The following ATP10A variants were observed in gnomAD, a reference collection of about 807,000 sequenced individuals.
ATP10A encodes the protein phospholipid-transporting ATPase VA.
A neutral mutation model predicts 147.8 loss-of-function variants in ATP10A; 111 were observed. The observed-to-expected ratio is 0.75, with a 90% CI of 0.64 to 0.88. The LOEUF (loss-of-function observed/expected upper bound fraction) is 0.88. ATP10A is among the 40% of genes least tolerant of loss of function. The pLI is 0.00. For synonymous variants in ATP10A, 875 were observed against 841.6 expected, an observed-to-expected ratio of 1.04 and a Z score of -0.69; for missense variants, 1,927 against 1,959.0, an observed-to-expected ratio of 0.98 and a Z score of 0.31.
chr15:25,685,474 G>C (rs886285297), intron 16 of ATP10A, among the ~76,000 whole-genome samples: 1 of 152,116 alleles, frequency 6.6e-6, no homozygotes, highest in Admixed American at 6.5e-5. Context: ...TTCGATCTGA[G>C]ACATTTTAAC....
chr15:25,843,766 A>T (rs1196033342), intron 1 of ATP10A, among the ~76,000 whole-genome samples: 1 of 152,164 alleles, frequency 6.6e-6, no homozygotes, highest in African/African-American at 2.4e-5. Context: ...GCTATCTGGG[A>T]AAATCATGCC....
intron 1 of ATP10A, among the ~76,000 whole-genome samples, chr15:25,797,577 C>T (rs1009922511): frequency 2.0e-5 from 3 of 152,204 alleles, no homozygotes; most frequent in South Asian, 2.1e-4. Flanking sequence ...AGACATGACA[C>T]GCTCTGGGCT....
intron 1 of ATP10A, among the ~76,000 whole-genome samples, chr15:25,800,091 C>T (rs1371852323): frequency 6.6e-6 from 1 of 152,190 alleles, no homozygotes; most frequent in Admixed American, 6.5e-5. Context: ...GAGGAGCTCA[C>T]ATCAAGTGCA....
chr15:25,815,831 C>T (rs972304233), intron 1 of ATP10A, among the ~76,000 whole-genome samples: 5 of 152,078 alleles, frequency 3.3e-5, no homozygotes, highest in African/African-American at 1.2e-4. Context: ...CTTAGAATAA[C>T]ACATTTTTGC....
At chr15:25,864,134 C>T (rs925191869), upstream of ATP10A, among the ~76,000 whole-genome samples, 2 of 151,528 alleles carry the variant, frequency 1.3e-5, no homozygotes, top group Admixed American at 6.6e-5. Context: ...TGTGGGGAGG[C>T]GAGGATGGTT....
chr15:25,811,783 C>G (rs1891444102), intron 1 of ATP10A, among the ~76,000 whole-genome samples: 1 of 152,196 alleles, frequency 6.6e-6, no homozygotes, highest in Non-Finnish European at 1.5e-5. Context: ...CCCAGCCTGA[C>G]CTCGTAGCAC....
chr15:25,780,284 T>C (rs2044310), intron 2 of ATP10A, among the ~76,000 whole-genome samples: 90,287 of 152,186 alleles, frequency 0.59, 26,945 homozygotes, highest in Admixed American at 0.67. Flanking sequence ...CGACTCAGAC[T>C]TGCTGTCTAG....
At chr15:25,801,959 T>G (rs575489472) in intron 1 of ATP10A, among the ~76,000 whole-genome samples, 2 of 152,090 alleles carry the variant, frequency 1.3e-5, no homozygotes, top group African/African-American at 2.4e-5. Flanking sequence ...GAGCCGAGGA[T>G]CTCATCAACT....
At chr15:25,697,555 G>A (rs1309537883) in intron 13 of ATP10A, among the ~76,000 whole-genome samples, 1 of 152,186 alleles carries the variant, frequency 6.6e-6, no homozygotes, top group Non-Finnish European at 1.5e-5. Flanking sequence ...GAACATGCTG[G>A]AAATGAACAG....
chr15:25,696,499 G>T (rs1478790228), intron 13 of ATP10A, among the ~76,000 whole-genome samples: 4 of 152,218 alleles, frequency 2.6e-5, no homozygotes, highest in Admixed American at 2.6e-4. Context: ...CCTTCATCCC[G>T]TTGCTCCCAC....
intron 15 of ATP10A, chr15:25,688,038 C>A: frequency 1.6e-6 from 1 of 616,764 alleles, no homozygotes; most frequent in African/African-American, 1.8e-5. Flanking sequence ...CACGCTAGTT[C>A]AGGGATGTCA....
chr15:25,683,446 C>T lies in ATP10A; in HGVS notation c.3332G>A (p.Gly1111Asp), dbSNP rs766182646. The T allele has an allele frequency of 8.1e-6, 13 of 1,613,976 alleles. No homozygotes were observed. The highest frequency in any genetic ancestry group is 1.0e-5 in the Non-Finnish European group (12 of 1,179,984). The change falls in exon 17 of 21, where the codon GGC (glycine) becomes GAC (aspartate). Residue 1111 changes from glycine (G) to aspartate (D), a missense_variant. Transcript: ENST00000555815. ...GLLFWFQFFC[G>D]FSASTMIDQW... Reference sequence around the variant, plus strand: ...GTCAATCATGGTAGATGCAGAGAAGCCACAGAAAAACTGGAACCAAAACAG... The same window carrying T: ...GTCAATCATGGTAGATGCAGAGAAGTCACAGAAAAACTGGAACCAAAACAG...
At chr15:25,810,275 C>CGTT (rs140893104) in intron 1 of ATP10A, among the ~76,000 whole-genome samples, 1 of 152,310 alleles carries the variant, frequency 6.6e-6, no homozygotes, top group African/African-American at 2.4e-5. Flanking sequence ...GATCCCCTAA[C>CGTT]GTTCCCTGTC....
chr15:25,805,996 T>C (rs1891162469), intron 1 of ATP10A, among the ~76,000 whole-genome samples: 1 of 152,232 alleles, frequency 6.6e-6, no homozygotes, highest in Non-Finnish European at 1.5e-5. Flanking sequence ...CTTTTTATTT[T>C]CTAATGCAGA....
At chr15:25,835,938 C>T (rs750469078) in intron 1 of ATP10A, among the ~76,000 whole-genome samples, 52 of 152,226 alleles carry the variant, frequency 3.4e-4, no homozygotes, top group Non-Finnish European at 5.6e-4. Context: ...CTCAGCCTCC[C>T]GAGTAGCTGG....
rs759323550 is a variant in ATP10A, at chr15:25,736,042, C to T, written c.740+14G>A. ...AAACAGAAGGATGCGCGCAGGCAGACACACGATACTCACATGCAGCCGCGA... is the reference window on the plus strand; with the variant it reads ...AAACAGAAGGATGCGCGCAGGCAGATACACGATACTCACATGCAGCCGCGA... On this transcript the variant is annotated intron_variant, in intron 3 of 20. Coordinates refer to ENST00000555815, the MANE Select transcript of ATP10A (RefSeq NM_024490.4). The T allele has an allele frequency of 1.9e-5, 30 of 1,601,962 alleles. No homozygotes were observed. Among genetic ancestry groups the T allele is most frequent in the Non-Finnish European group, 2.3e-5 (27 of 1,168,900 alleles).
At chr15:25,786,302 C>T (rs141233377) in intron 1 of ATP10A, among the ~76,000 whole-genome samples, 29 of 152,308 alleles carry the variant, frequency 1.9e-4, no homozygotes, top group African/African-American at 5.5e-4. Context: ...TCACCTCCCA[C>T]GGCCGAGTGA....
intron 1 of ATP10A, among the ~76,000 whole-genome samples, chr15:25,823,538 T>C (rs1238493915): frequency 6.6e-6 from 1 of 152,224 alleles, no homozygotes; most frequent in Non-Finnish European, 1.5e-5. Flanking sequence ...ATACCCACTA[T>C]GTTGTATTTC....
At chr15:25,747,335 A>G (rs916685970) in intron 2 of ATP10A, among the ~76,000 whole-genome samples, 3 of 151,966 alleles carry the variant, frequency 2.0e-5, no homozygotes, top group Admixed American at 2.0e-4. Context: ...TGTACTACGT[A>G]TCAAAGATTG....
Sources: gnomAD v4.1 joint callset for allele counts (sites outside exome capture counted in the v4.1 genomes callset) on GRCh38, gnomAD v4.1.1 for gene constraint, MANE v1.5 for transcripts, NCBI Gene and HGNC (gene_info 2026-07-23, HGNC 2026-07-21) for gene names.